The following ATF7IP variants were observed in gnomAD, a reference collection of about 807,000 sequenced individuals.
ATF7IP encodes activating transcription factor 7-interacting protein 1.
In ATF7IP, 23 loss-of-function variants were observed where a neutral mutation model predicts 106.4. The observed-to-expected ratio is 0.22, with a 90% CI of 0.16 to 0.31. ATF7IP has a LOEUF of 0.31. ATF7IP is among the 10% of genes least tolerant of loss of function. The pLI, the probability that ATF7IP is intolerant of heterozygous loss-of-function variation, is 1.00. For synonymous variants in ATF7IP, 542 were observed against 539.0 expected (o/e 1.01, Z -0.08); for missense variants, 1,334 against 1,524.3 (o/e 0.88, Z 2.08).
At chr12:14,437,511 T>C (rs1271356006) in intron 4 of ATF7IP, among the ~76,000 whole-genome samples, 1 of 152,184 alleles carries the variant, frequency 6.6e-6, no homozygotes, top group Non-Finnish European at 1.5e-5. Flanking sequence ...GTTTACTTCT[T>C]TAGAACAGTG....
At position 14,392,870 on chromosome 12, in the gene ATF7IP, A is replaced by G. The variant is rs185975943; in HGVS notation, c.-8+27043A>G. Among the ~76,000 whole-genome samples the G allele has an allele frequency of 3.9e-4, 59 of 152,350 alleles. 2 individuals are homozygous for G. The highest frequency in any genetic ancestry group is 3.5e-3 in the Admixed American group (54 of 15,308). On this transcript the variant is annotated intron_variant, in intron 1 of 14. Coordinates refer to ENST00000261168, the MANE Select transcript of ATF7IP (RefSeq NM_018179.5). The stretch of plus-strand genomic sequence containing the variant: ...TCAAAACAATTAAAACTCATATTTT[A>G]TATGCCTTATTTTTAATTTCATTTT...
At chr12:14,485,024 C>T (rs889483042) in intron 13 of ATF7IP, among the ~76,000 whole-genome samples, 1 of 152,088 alleles carries the variant, frequency 6.6e-6, no homozygotes, top group African/African-American at 2.4e-5. Context: ...CAGGGCCTTG[C>T]TCCAAAATCC....
intron 1 of ATF7IP, among the ~76,000 whole-genome samples, chr12:14,377,647 T>A (rs984291913): frequency 1.3e-5 from 2 of 151,478 alleles, no homozygotes; most frequent in Non-Finnish European, 2.9e-5. Context: ...AGAGTCTCGC[T>A]CTGTCACCCA....
chr12:14,416,808 A>T, intron 1 of ATF7IP: 1 of 585,972 alleles, frequency 1.7e-6, no homozygotes, highest in Non-Finnish European at 2.2e-6. Flanking sequence ...GATTGGTTTT[A>T]GACTATTTCG....
chr12:14,432,741 T>C (rs972066839), intron 2 of ATF7IP, among the ~76,000 whole-genome samples: 1 of 152,240 alleles, frequency 6.6e-6, no homozygotes, highest in Non-Finnish European at 1.5e-5. Flanking sequence ...AAATGTCTTA[T>C]CAGAATCTTT....
chr12:14,379,042 T>A (rs1300185154), intron 1 of ATF7IP, among the ~76,000 whole-genome samples: 2 of 152,182 alleles, frequency 1.3e-5, no homozygotes, highest in Non-Finnish European at 2.9e-5. Flanking sequence ...ATAGTTTGGA[T>A]TTGTATCCCC....
chr12:14,475,819 TATC>T (rs1944243362), intron 10 of ATF7IP, 68 bp from the exon 11 acceptor site: 2 of 1,260,532 alleles, frequency 1.6e-6, no homozygotes, highest in Non-Finnish European at 2.2e-6. Context: ...TTACCTCACT[TATC>T]ATCTCATTTT....
At position 14,425,016 on chromosome 12, in the gene ATF7IP, T is replaced by G; in HGVS notation, c.1101T>G (p.Asn367Lys). The G allele has an allele frequency of 1.2e-6, 2 of 1,611,568 alleles. No individual in the cohort carries two copies. The highest frequency in any genetic ancestry group is 1.7e-6 in the Non-Finnish European group (2 of 1,179,420). ...TTICSDRPPENEKKVEEDIIT... is the reference protein window; with the variant it reads ...TTICSDRPPEKEKKVEEDIIT... ...TTTGTTCAGATCGACCTCCTGAAAA[T>G]GAAAAGAAGGTAGAGGAAGATATTA... is the stretch of plus-strand genomic sequence containing the variant. The change falls in exon 2 of 15, where the codon AAT (asparagine) becomes AAG (lysine). Residue 367 changes from asparagine (N) to lysine (K), a missense_variant. Physicochemically the swap from Asn to Lys is moderately conservative, Grantham distance 94 (BLOSUM62 0). Transcript: ENST00000261168.
intron 13 of ATF7IP, chr12:14,482,746 C>A (rs1944471117): frequency 6.6e-6 from 1 of 152,198 alleles, no homozygotes; most frequent in African/African-American, 2.4e-5. Flanking sequence ...AGTTGACATT[C>A]AGTGTTAACC....
intron 1 of ATF7IP, among the ~76,000 whole-genome samples, chr12:14,396,117 G>A (rs1250797045): frequency 6.6e-6 from 1 of 152,134 alleles, no homozygotes; most frequent in African/African-American, 2.4e-5. Context: ...TTTGGAGGGT[G>A]GGTGAAGAGT....
intron 14 of ATF7IP, among the ~76,000 whole-genome samples, chr12:14,497,264 CATG>C (rs796420312): frequency 5.9e-5 from 9 of 152,230 alleles, no homozygotes; most frequent in African/African-American, 1.9e-4. Context: ...GGTTGCCATA[CATG>C]ATATTTAAAA....
chr12:14,416,203 G>C (rs1941198320), intron 1 of ATF7IP, among the ~76,000 whole-genome samples: 1 of 152,074 alleles, frequency 6.6e-6, no homozygotes, highest in South Asian at 2.1e-4. Context: ...CTGAGAATGG[G>C]ATTCTTAAAG....
chr12:14,472,065 T>G (rs932409944), intron 10 of ATF7IP, among the ~76,000 whole-genome samples: 3 of 152,182 alleles, frequency 2.0e-5, no homozygotes, highest in Non-Finnish European at 2.9e-5. Context: ...TATTTATTTT[T>G]TAAAGCCAAA....
chr12:14,426,775 G>GAGATCGCGCCACTACTCC (rs1474213453), intron 2 of ATF7IP, among the ~76,000 whole-genome samples: 1 of 136,222 alleles, frequency 7.3e-6, no homozygotes, highest in Admixed American at 7.9e-5. Context: ...GCAGTGAGCC[G>GAGATCGCGCCACTACTCC]AGATCGCGCC....
chr12:14,499,992 T>G lies in ATF7IP; in HGVS notation c.*1919T>G, dbSNP rs1945121332. 1 of 152,096 alleles carries G rather than the reference T, an allele frequency of 6.6e-6. No homozygotes were observed. Among genetic ancestry groups the G allele is most frequent in the South Asian group, 2.1e-4 (1 of 4,828 alleles). 9.4% of individuals were successfully genotyped at this position (152,096 alleles called of 1,614,324 possible). ...ACTGGTGTCAGGTAGGTGTTTTGGG[T>G]GTAGATAATTTAGGACTGGAGGGCT... On this transcript the variant is annotated 3_prime_UTR_variant, in exon 15 of 15. Coordinates refer to ENST00000261168, the MANE Select transcript of ATF7IP (RefSeq NM_018179.5).
At chr12:14,393,376 C>T (rs955235839) in intron 1 of ATF7IP, among the ~76,000 whole-genome samples, 1 of 152,058 alleles carries the variant, frequency 6.6e-6, no homozygotes, top group Admixed American at 6.5e-5. Context: ...GATATAAGAT[C>T]TTTCCTCCAA....
At chr12:14,397,999 T>C (rs1022437622) in intron 1 of ATF7IP, among the ~76,000 whole-genome samples, 1 of 152,176 alleles carries the variant, frequency 6.6e-6, no homozygotes, top group Non-Finnish European at 1.5e-5. Flanking sequence ...TGATAAACTT[T>C]AACATACTTT....
chr12:14,487,645 G>A (rs1386639967), intron 13 of ATF7IP, among the ~76,000 whole-genome samples: 2 of 152,124 alleles, frequency 1.3e-5, no homozygotes, highest in African/African-American at 2.4e-5. Flanking sequence ...TGCCTCTTTT[G>A]TTGTAGGTTA....
At chr12:14,466,269 C>A in intron 9 of ATF7IP, 1 of 341,260 alleles carries the variant, frequency 2.9e-6, no homozygotes, top group Non-Finnish European at 5.3e-6. Context: ...TAAATTATTT[C>A]CATGAGATAC....
Sources: allele counts gnomAD v4.1 joint callset (sites outside exome capture counted in the v4.1 genomes callset), GRCh38; gene constraint gnomAD v4.1.1; transcripts MANE v1.5; gene names NCBI Gene and HGNC (gene_info 2026-07-23, HGNC 2026-07-21).